The following HMGB4 variants were observed in gnomAD, a reference collection of about 807,000 sequenced individuals.
The protein encoded by HMGB4 is high mobility group protein B4.
For missense variants in HMGB4, 217 were observed against 220.4 expected (o/e 0.98, Z 0.10); for synonymous variants, 82 against 84.9 (o/e 0.97, Z 0.19).
upstream of HMGB4, chr1:33,862,766 G>A (rs1280673905): frequency 1.3e-5 from 2 of 152,198 alleles, no homozygotes; most frequent in African/African-American, 4.8e-5. Context: ...GGCTCACAGG[G>A]AGGAAGGGGA....
chr1:33,862,001 T>G (rs142812398), upstream of HMGB4, among the ~76,000 whole-genome samples: 388 of 152,258 alleles, frequency 2.5e-3, no homozygotes, highest in African/African-American at 8.8e-3. Context: ...TGGGATCCTC[T>G]GATGTGGCTC....
chr1:33,864,092 C>A lies in HMGB4; in HGVS notation c.-100C>A. On this transcript the variant is annotated 5_prime_UTR_variant, in exon 1 of 1. Transcript: ENST00000681531. Reference sequence around the variant, plus strand: ...TACAGCTCTTGCAGACAGAAAAATTCGCTGCAAGTACAGCACTTTCTAGAT... The same window carrying A: ...TACAGCTCTTGCAGACAGAAAAATTAGCTGCAAGTACAGCACTTTCTAGAT... 3.5e-6 allele frequency: 4 copies of A among 1,158,762 alleles called. 1 individual carries two copies. The highest frequency in any genetic ancestry group is 3.7e-6 in the Non-Finnish European group (3 of 813,966). The allele number at this position is 1,158,762 out of a possible 1,614,324, so 71.8% of individuals were successfully genotyped here.
rs781458771 is a variant in HMGB4 at position 33,864,239 on chromosome 1, C to T, written c.48C>T (p.Tyr16=). 2.9e-5 allele frequency: 46 copies of T among 1,612,606 alleles called. No homozygotes were observed. The highest frequency in any genetic ancestry group is 3.7e-5 in the Non-Finnish European group (44 of 1,179,736). The change falls in exon 1 of 1, where the codon TAC becomes TAT. Residue 16 remains tyrosine, a synonymous_variant. Transcript: ENST00000681531. ...QLKPKANVSS[Y]VHFLLNYRNK... ...AGCCTAAGGCAAATGTCTCTTCTTA[C>T]GTTCACTTTTTGCTGAATTACAGAA...
At chr1:33,860,587 A>G (rs1639426497), upstream of HMGB4, 1 of 152,140 alleles carries the variant, frequency 6.6e-6, no homozygotes, top group East Asian at 1.9e-4. Context: ...GGGGAGTGCC[A>G]TCTGTTTTTA....
Position 33,864,157 on chromosome 1 carries a change from G to A in HMGB4, c.-35G>A, listed in dbSNP as rs112051613. The A allele has an allele frequency of 4.6e-5, 71 of 1,553,746 alleles. No homozygotes were observed. The highest frequency in any genetic ancestry group is 4.5e-4 in the African/African-American group (33 of 72,690). On this transcript the variant is annotated 5_prime_UTR_variant, in exon 1 of 1. Coordinates refer to ENST00000681531, the MANE Select transcript of HMGB4 (RefSeq NM_001379301.1). ...GGGAACAACAGTCTCTCCTGTCCAC[G>A]TTACTGAATCCAGAAAAAAGGTGAA...
At chr1:33,861,100 C>G (rs573924084), upstream of HMGB4, 45 of 152,220 alleles carry the variant, frequency 3.0e-4, no homozygotes, top group African/African-American at 1.0e-3. Flanking sequence ...GAATGAGGTA[C>G]ATAAAGTGCT....
upstream of HMGB4, chr1:33,862,343 C>CTCTGTGTG (rs542219181): frequency 8.8e-6 from 1 of 114,006 alleles, no homozygotes; most frequent in African/African-American, 3.1e-5. Flanking sequence ...ATAAGCTACT[C>CTCTGTGTG]TGTGTGTGTG....
Position 33,864,647 on chromosome 1 carries a change from G to A in HMGB4, c.456G>A (p.Lys152=), listed in dbSNP as rs756744396. Residue 152 remains lysine, a synonymous_variant, in exon 1 of 1, where the codon AAG becomes AAA. Transcript: ENST00000681531. ...AAAGAGTGGCTCTCCTGAGAGCTAA[G>A]TACTTCGAGGAACTTGAACTCTACC... The part of the protein sequence containing the change: ...YEQRVALLRA[K]YFEELELYRK... 7.4e-6 allele frequency: 12 copies of A among 1,613,820 alleles called. No individual in the cohort carries two copies. In the East Asian group the frequency reaches 1.8e-4, roughly 24 times the overall value.
upstream of HMGB4, chr1:33,863,822 C>T (rs1295031246): frequency 5.3e-6 from 1 of 189,024 alleles, no homozygotes; most frequent in Non-Finnish European, 1.1e-5. Context: ...TGCAGCAAAA[C>T]CCACTGCCTC....
At chr1:33,862,378 T>TGTGTGTGTGC (rs1639596254), upstream of HMGB4, 2 of 152,544 alleles carry the variant, frequency 1.3e-5, no homozygotes, top group Non-Finnish European at 2.9e-5. Context: ...TGTGTGTGTG[T>TGTGTGTGTGC]GTGTGTGTGT....
At chr1:33,861,632 T>G (rs973201860), upstream of HMGB4, among the ~76,000 whole-genome samples, 2 of 152,198 alleles carry the variant, frequency 1.3e-5, no homozygotes, top group Non-Finnish European at 2.9e-5. Context: ...GGTGAAAGGC[T>G]AAAACCATGG....
In HMGB4 at chr1:33,864,381, GC is replaced by G; in HGVS notation, c.192del (p.Lys65AsnfsTer11). The G allele has an allele frequency of 6.2e-7, 1 of 1,614,084 alleles. No individual in the cohort carries two copies. Among genetic ancestry groups the G allele is most frequent in the Non-Finnish European group, 8.5e-7 (1 of 1,180,032 alleles). On this transcript the variant is annotated frameshift_variant, in exon 1 of 1. Transcript: ENST00000681531. LOFTEE classifies it low-confidence loss of function (END_TRUNC). ...KHEKAKYEAL[A>X]KLDKARYQEE... ...TGAAAAGGCCAAATATGAAGCCCTG[GC>G]CAAACTCGACAAAGCCCGATACCAG... is the stretch of plus-strand genomic sequence containing the variant.
At position 33,864,778 on chromosome 1, in the gene HMGB4, G is replaced by C; in HGVS notation, c.*26G>C. On this transcript the variant is annotated 3_prime_UTR_variant, in exon 1 of 1. Coordinates refer to ENST00000681531, the MANE Select transcript of HMGB4 (RefSeq NM_001379301.1). ...TGGATCCAGTTTGAAAAAACAAAAT[G>C]CCATTCAACCGTATTTCCTGTTCCT... 6.4e-7 allele frequency: 1 copy of C among 1,564,030 alleles called. No individual in the cohort carries two copies. The highest frequency in any genetic ancestry group is 8.7e-7 in the Non-Finnish European group (1 of 1,151,962).
upstream of HMGB4, chr1:33,862,267 G>A (rs1019256789): frequency 4.0e-5 from 6 of 151,698 alleles, no homozygotes; most frequent in South Asian, 6.3e-4. Flanking sequence ...CTAGCTTCCC[G>A]ATAGCTATTG....
In HMGB4 at chr1:33,864,125, G is replaced by A. The variant is rs1258494104; in HGVS notation, c.-67G>A. ...GTACAGCACTTTCTAGATTGCTCCT[G>A]GAGTGTGGGAACAACAGTCTCTCCT... On this transcript the variant is annotated 5_prime_UTR_variant, in exon 1 of 1. Transcript: ENST00000681531. 1.4e-6 allele frequency: 2 copies of A among 1,447,766 alleles called. No individual in the cohort carries two copies. Among genetic ancestry groups the A allele is most frequent in the Non-Finnish European group, 9.3e-7 (1 of 1,071,682 alleles). The allele number at this position is 1,447,766 out of a possible 1,614,324, so 89.7% of individuals were successfully genotyped here.
rs765235682 is a variant in HMGB4 at position 33,864,522 on chromosome 1, C to T, written c.331C>T (p.Leu111=). 1 of 1,614,138 alleles carries T rather than the reference C, an allele frequency of 6.2e-7. No individual in the cohort carries two copies. The highest frequency in any genetic ancestry group is 1.1e-5 in the South Asian group (1 of 91,088). ...CTTCTGCCAAGACCACTATGCTCAG[C>T]TGAAGAGGGAGAACCCGAACTGGTC... is the stretch of plus-strand genomic sequence containing the variant. ...LLFCQDHYAQ[L]KRENPNWSVV... The change falls in exon 1 of 1, where the codon CTG becomes TTG. Residue 111 remains leucine, a synonymous_variant. Transcript: ENST00000681531.
upstream of HMGB4, chr1:33,864,072 C>T: frequency 2.2e-6 from 2 of 916,722 alleles, no homozygotes; most frequent in Non-Finnish European, 3.4e-6. Flanking sequence ...CTGACTACAG[C>T]TCTTGCAGAC....
chr1:33,861,730 C>G (rs1181805610), upstream of HMGB4, among the ~76,000 whole-genome samples: 1 of 152,114 alleles, frequency 6.6e-6, no homozygotes, highest in Non-Finnish European at 1.5e-5. Context: ...TAGCAGAGAC[C>G]TCAGAGGCTC....
chr1:33,861,429 A>T (rs1367360155), upstream of HMGB4: 1 of 152,238 alleles, frequency 6.6e-6, no homozygotes, highest in South Asian at 2.1e-4. Flanking sequence ...CATATTTACT[A>T]CCTGGCCCTC....
Sources: gnomAD v4.1 joint callset for allele counts (sites outside exome capture counted in the v4.1 genomes callset) on GRCh38, gnomAD v4.1.1 for gene constraint, MANE v1.5 for transcripts, NCBI Gene and HGNC (gene_info 2026-07-23, HGNC 2026-07-21) for gene names.